GAB2: variants seen among roughly 807,000 people sequenced by gnomAD.
GAB2 encodes GRB2 associated binding protein 2.
GAB2 carries 26 observed loss-of-function variants against 65.5 expected under a neutral mutation model. That is an observed-to-expected ratio of 0.40 (90% confidence interval 0.29 to 0.55). The LOEUF is 0.55. Ranked by LOEUF, GAB2 falls within the 20% of genes least tolerant of loss-of-function variation. GAB2 has a pLI of 0.53. For missense variants in GAB2, 884 were observed against 875.8 expected (o/e 1.01, Z -0.12); for synonymous variants, 321 against 329.6 (o/e 0.97, Z 0.28).
At chr11:78,256,835 A>T (rs1192476485) in intron 2 of GAB2, among the ~76,000 whole-genome samples, 1 of 152,180 alleles carries the variant, frequency 6.6e-6, no homozygotes, top group South Asian at 2.1e-4. Context: ...GATATTAAAC[A>T]ATGTGTGGCT....
intron 3 of GAB2, among the ~76,000 whole-genome samples, chr11:78,238,419 C>T (rs574754524): frequency 4.6e-5 from 7 of 150,786 alleles, no homozygotes; most frequent in Non-Finnish European, 8.8e-5. Context: ...ATCTTGAGCC[C>T]AGGAGTTTGA....
At chr11:78,250,680 G>A (rs1865429340) in intron 2 of GAB2, among the ~76,000 whole-genome samples, 1 of 152,110 alleles carries the variant, frequency 6.6e-6, no homozygotes. Flanking sequence ...GGCTACCTGT[G>A]GTCTAGGAGT....
intron 1 of GAB2, among the ~76,000 whole-genome samples, chr11:78,411,156 G>GGT (rs1857123468): frequency 6.8e-6 from 1 of 147,050 alleles, no homozygotes. Flanking sequence ...TGGTGGGGGT[G>GGT]GTTGGGGGGG....
intron 1 of GAB2, among the ~76,000 whole-genome samples, chr11:78,314,747 T>A (rs1279725387): frequency 1.3e-5 from 2 of 152,332 alleles, no homozygotes; most frequent in East Asian, 3.9e-4. Flanking sequence ...ATTGCATATG[T>A]GGAATGGTTA....
At chr11:78,260,899 A>C (rs894525330) in intron 2 of GAB2, among the ~76,000 whole-genome samples, 2 of 152,144 alleles carry the variant, frequency 1.3e-5, no homozygotes, top group Non-Finnish European at 1.5e-5. Context: ...CTTTTTCTCT[A>C]ATCGTGTTTA....
chr11:78,291,050 G>A (rs1360351369), intron 1 of GAB2, among the ~76,000 whole-genome samples: 2 of 151,268 alleles, frequency 1.3e-5, no homozygotes, highest in East Asian at 2.0e-4. Flanking sequence ...GCATGGCTGT[G>A]TTCCAATAAA....
intron 1 of GAB2, among the ~76,000 whole-genome samples, 169 bp downstream of exon 1, chr11:78,417,477 T>A (rs975829011): frequency 2.0e-5 from 3 of 147,448 alleles, no homozygotes; most frequent in Non-Finnish European, 3.0e-5. Context: ...GCGGCCCACC[T>A]GTGACAGGTG....
At chr11:78,234,614 T>C (rs1476046954) in intron 3 of GAB2, among the ~76,000 whole-genome samples, 2 of 148,580 alleles carry the variant, frequency 1.3e-5, no homozygotes, top group Non-Finnish European at 3.0e-5. Flanking sequence ...TTTATTTATA[T>C]ATGCATTTAA....
intron 3 of GAB2, among the ~76,000 whole-genome samples, chr11:78,232,282 A>G (rs1463890328): frequency 2.6e-5 from 4 of 152,188 alleles, no homozygotes; most frequent in Non-Finnish European, 2.9e-5. Flanking sequence ...AATCTCACCA[A>G]TGAAATTTCA....
chr11:78,257,397 C>A (rs1246026088), intron 2 of GAB2, among the ~76,000 whole-genome samples: 1 of 152,196 alleles, frequency 6.6e-6, no homozygotes, highest in Non-Finnish European at 1.5e-5. Context: ...TGTATTGGAG[C>A]TGGATTCAAA....
intron 1 of GAB2, among the ~76,000 whole-genome samples, chr11:78,363,466 T>C (rs1052925246): frequency 6.6e-6 from 1 of 152,156 alleles, no homozygotes; most frequent in Non-Finnish European, 1.5e-5. Context: ...CTCTCCAACA[T>C]CTATGAAGCA....
At chr11:78,405,827 A>C (rs1296561939) in intron 1 of GAB2, among the ~76,000 whole-genome samples, 1 of 152,200 alleles carries the variant, frequency 6.6e-6, no homozygotes, top group East Asian at 1.9e-4. Flanking sequence ...TGGCAGAAAC[A>C]CCAACCTGTG....
At chr11:78,389,728 TA>T (rs1256307774) in intron 1 of GAB2, among the ~76,000 whole-genome samples, 10 of 152,184 alleles carry the variant, frequency 6.6e-5, no homozygotes, top group Admixed American at 6.5e-5. Context: ...GTATGTGAAT[TA>T]CATCCCAACA....
intron 1 of GAB2, among the ~76,000 whole-genome samples, chr11:78,292,316 C>T (rs1313434098): frequency 3.3e-5 from 5 of 152,154 alleles, no homozygotes; most frequent in Non-Finnish European, 5.9e-5. Context: ...AATGTCTTGC[C>T]CCTTCTACAA....
At position 78,354,399 on chromosome 11, in the gene GAB2, G is replaced by A. The variant is rs538804310; in HGVS notation, c.75+63247C>T. On this transcript the variant is annotated intron_variant, in intron 1 of 9. Transcript: ENST00000361507. ...TAGTACAGACCATATGTACTGTACT[G>A]TATCATATCATATGTATTGTATCAT... Among the ~76,000 whole-genome samples the A allele has an allele frequency of 5.3e-5, 8 of 152,146 alleles. No individual in the cohort carries two copies. In the East Asian group the frequency reaches 1.5e-3, roughly 29 times the overall value.
intron 1 of GAB2, among the ~76,000 whole-genome samples, chr11:78,330,224 A>C (rs1165821200): frequency 6.6e-6 from 1 of 152,190 alleles, no homozygotes; most frequent in East Asian, 1.9e-4. Context: ...ATGCAGCTCT[A>C]GTTCTTCCTA....
chr11:78,283,002 A>G (rs1482144517), intron 1 of GAB2, among the ~76,000 whole-genome samples: 1 of 152,206 alleles, frequency 6.6e-6, no homozygotes, highest in Non-Finnish European at 1.5e-5. Context: ...TTGGCTGTAC[A>G]TACATGGAGA....
intron 1 of GAB2, among the ~76,000 whole-genome samples, chr11:78,389,143 C>A (rs1384709554): frequency 6.6e-6 from 1 of 152,230 alleles, no homozygotes; most frequent in East Asian, 1.9e-4. Flanking sequence ...AGTTTCTTGG[C>A]AGAATGTATT....
chr11:78,281,098 C>T (rs759703827), intron 1 of GAB2, among the ~76,000 whole-genome samples, 197 bp from the exon 2 acceptor site: 12 of 152,158 alleles, frequency 7.9e-5, no homozygotes, highest in African/African-American at 1.2e-4. Flanking sequence ...GGACTACAGA[C>T]GCACATCACC....
Sources: gnomAD v4.1 joint callset for allele counts (sites outside exome capture counted in the v4.1 genomes callset) on GRCh38, gnomAD v4.1.1 for gene constraint, MANE v1.5 for transcripts, NCBI Gene and HGNC (gene_info 2026-07-23, HGNC 2026-07-21) for gene names.